The following NALCN variants were observed in gnomAD, a reference collection of about 807,000 sequenced individuals.
The protein encoded by NALCN is sodium leak channel, non-selective, also known as sodium leak channel NALCN.
Under a neutral mutation model 225.3 loss-of-function variants are expected in NALCN, and 111 were observed. The observed-to-expected ratio is 0.49, with a 90% CI of 0.42 to 0.58. The LOEUF (loss-of-function observed/expected upper bound fraction) is 0.58, where lower values mean the gene tolerates loss of function less well. Ranked by LOEUF, NALCN falls within the 20% of genes least tolerant of loss-of-function variation. The probability of loss-of-function intolerance (pLI) is 0.00; values close to 1 mark genes in which losing one functional copy is unlikely to be tolerated. For synonymous variants in NALCN, 764 were observed against 769.0 expected (o/e 0.99, Z 0.11); for missense variants, 1,378 against 2,202.4 (o/e 0.63, Z 7.49).
chr13:101,395,491 A>G, intron 2 of NALCN, 126 bp from the exon 3 acceptor site: 1 of 829,092 alleles, frequency 1.2e-6, no homozygotes, highest in South Asian at 2.2e-5. Flanking sequence ...GAGGTGAAGA[A>G]GAAGAAATCT....
At chr13:101,305,959 A>AG (rs1477269370) in intron 7 of NALCN, among the ~76,000 whole-genome samples, 5 of 152,204 alleles carry the variant, frequency 3.3e-5, no homozygotes, top group Non-Finnish European at 5.9e-5. Context: ...GGTCAGGGAG[A>AG]GGGGCTGGTG....
At chr13:101,068,628 A>G in intron 38 of NALCN, 67 bp downstream of exon 38, 1 of 1,408,236 alleles carries the variant, frequency 7.1e-7, no homozygotes, top group Non-Finnish European at 9.3e-7. Context: ...AATTGCTTGA[A>G]AATAATACAT....
At chr13:101,168,280 T>G (rs933806337) in intron 15 of NALCN, among the ~76,000 whole-genome samples, 5 of 152,208 alleles carry the variant, frequency 3.3e-5, no homozygotes, top group Non-Finnish European at 5.9e-5. Context: ...ATGTTGATTT[T>G]GCTCTTTTTC....
chr13:101,382,128 A>T (rs1228310452), intron 3 of NALCN, among the ~76,000 whole-genome samples: 1 of 152,190 alleles, frequency 6.6e-6, no homozygotes, highest in African/African-American at 2.4e-5. Context: ...TGTCATTAAC[A>T]ATGTTATATG....
At chr13:101,180,841 G>GTCTC (rs34427526) in intron 14 of NALCN, 2 of 336,656 alleles carry the variant, frequency 5.9e-6, no homozygotes, top group East Asian at 1.5e-4. Flanking sequence ...AACACGCTTT[G>GTCTC]TCTCTCTCTC....
intron 7 of NALCN, among the ~76,000 whole-genome samples, chr13:101,313,846 A>G (rs559646835): frequency 6.6e-5 from 10 of 152,296 alleles, no homozygotes; most frequent in Non-Finnish European, 1.0e-4. Flanking sequence ...ATGCTGCTAT[A>G]AAGACACATG....
Position 101,055,446 on chromosome 13 carries a change from C to A in NALCN, c.5066G>T (p.Arg1689Leu), listed in dbSNP as rs189387840. Residue 1689 changes from arginine (R) to leucine (L), a missense_variant, in exon 44 of 44, where the codon CGG becomes CTG. Physicochemically the swap from Arg to Leu is moderately radical, Grantham distance 102. This residue lies in a region of NALCN where 145 missense variants were observed against 169.6 expected (regional missense o/e 0.85). Transcript: ENST00000251127. ...TTTCATGGTTGTCCTTCCTCCAAACCGTAAGTTGACTGAGGACACTGAATG... is the reference window on the plus strand; with the variant it reads ...TTTCATGGTTGTCCTTCCTCCAAACAGTAAGTTGACTGAGGACACTGAATG... ...ISHSVSSVNL[R>L]FGGRTTMKSV... is the part of the protein sequence containing the mutation. 5 of 1,613,922 alleles carry A rather than the reference C, an allele frequency of 3.1e-6. No homozygotes were observed. The highest frequency in any genetic ancestry group is 1.1e-5 in the South Asian group (1 of 91,080).
At chr13:101,133,966 G>A (rs951725263) in intron 17 of NALCN, among the ~76,000 whole-genome samples, 28 of 151,990 alleles carry the variant, frequency 1.8e-4, no homozygotes, top group African/African-American at 5.8e-4. Flanking sequence ...TCAGGAGATC[G>A]AGACCATCCT....
At chr13:101,369,663 GCTTTCTT>G (rs1477109199) in intron 6 of NALCN, among the ~76,000 whole-genome samples, 1 of 152,146 alleles carries the variant, frequency 6.6e-6, no homozygotes, top group Non-Finnish European at 1.5e-5. Flanking sequence ...CTACACAGCT[GCTTTCTT>G]ATCCAGAAGA....
intron 12 of NALCN, among the ~76,000 whole-genome samples, chr13:101,232,924 G>A (rs191145749): frequency 6.6e-6 from 1 of 150,500 alleles, no homozygotes; most frequent in Admixed American, 6.6e-5. Flanking sequence ...GTCTATTTTC[G>A]GACATAAATA....
intron 17 of NALCN, among the ~76,000 whole-genome samples, chr13:101,126,216 G>A (rs1215433778): frequency 6.6e-6 from 1 of 152,152 alleles, no homozygotes; most frequent in Admixed American, 6.5e-5. Flanking sequence ...TTTTACAGCA[G>A]ATATGTAGTA....
At chr13:101,299,392 G>C (rs1434811212) in intron 7 of NALCN, among the ~76,000 whole-genome samples, 1 of 152,104 alleles carries the variant, frequency 6.6e-6, no homozygotes, top group Non-Finnish European at 1.5e-5. Context: ...ACTGCCTTCT[G>C]AACTGTCCCA....
At chr13:101,220,195 G>A (rs964091351) in intron 13 of NALCN, among the ~76,000 whole-genome samples, 2 of 152,146 alleles carry the variant, frequency 1.3e-5, no homozygotes, top group African/African-American at 4.8e-5. Context: ...TTCACTTTGC[G>A]ATACATCATG....
chr13:101,315,050 G>A (rs1012186214), intron 7 of NALCN, among the ~76,000 whole-genome samples: 9 of 152,096 alleles, frequency 5.9e-5, no homozygotes, highest in South Asian at 2.1e-4. Context: ...GGAATAAAAC[G>A]TAATACAAAA....
At chr13:101,325,193 C>G (rs765399180) in intron 7 of NALCN, among the ~76,000 whole-genome samples, 2 of 152,152 alleles carry the variant, frequency 1.3e-5, no homozygotes, top group Non-Finnish European at 2.9e-5. Flanking sequence ...AACAAATGGG[C>G]TGACTTTATG....
intron 11 of NALCN, among the ~76,000 whole-genome samples, chr13:101,253,454 T>C (rs2042120740): frequency 6.6e-6 from 1 of 152,184 alleles, no homozygotes; most frequent in Non-Finnish European, 1.5e-5. Flanking sequence ...AAATATTACA[T>C]AATGCTATTG....
chr13:101,221,494 G>C (rs35124399), intron 13 of NALCN, among the ~76,000 whole-genome samples: 39,225 of 151,924 alleles, frequency 0.26, 5,376 homozygotes, highest in East Asian at 0.37. Context: ...CCCTGACACA[G>C]GCTACTCCCA....
At position 101,082,823 on chromosome 13, in the gene NALCN, T is replaced by C. The variant is rs758254737; in HGVS notation, c.3751A>G (p.Ile1251Val). The C allele has an allele frequency of 5.0e-6, 8 of 1,614,074 alleles. No individual in the cohort carries two copies. The Admixed American group carries it at 8.3e-5, about 17-fold the overall frequency. The change falls in exon 33 of 44, where the codon ATC (isoleucine) becomes GTC (valine). Residue 1251 changes from isoleucine to valine, a missense_variant. Around this residue, in one of 19 missense-constraint regions of NALCN, gnomAD observed 98 missense variants for 156.6 expected, o/e 0.63. Transcript: ENST00000251127. ...CATTACAGTACCTCCAGAACAAAGA[T>C]GAAGGTGAAAACAACTGACATTGTT... is the stretch of plus-strand genomic sequence containing the variant. Reference protein sequence around the residue: ...LATMSVVFTFIFVLEVTMKII... With the variant: ...LATMSVVFTFVFVLEVTMKII...
At chr13:101,248,911 T>C (rs1026464239) in intron 11 of NALCN, among the ~76,000 whole-genome samples, 1 of 152,144 alleles carries the variant, frequency 6.6e-6, no homozygotes, top group African/African-American at 2.4e-5. Context: ...TGATATGTCA[T>C]ATGATATGTC....
Sources: allele counts gnomAD v4.1 joint callset (sites outside exome capture counted in the v4.1 genomes callset), GRCh38; gene constraint gnomAD v4.1.1; regional missense constraint gnomAD v4.1.1; transcripts MANE v1.5; gene names NCBI Gene and HGNC (gene_info 2026-07-23, HGNC 2026-07-21).